Variants in PCSK5 observed in about 807,000 individuals in gnomAD.
PCSK5 encodes the protein proprotein convertase subtilisin/kexin type 5.
In PCSK5, 129 loss-of-function variants were observed where a neutral mutation model predicts 233.2. That is an observed-to-expected ratio of 0.55 (90% confidence interval 0.48 to 0.64). PCSK5 has a LOEUF of 0.64. PCSK5 is among the 30% of genes least tolerant of loss of function. The pLI is 0.00. For missense variants in PCSK5, 2,076 were observed against 2,430.1 expected, an observed-to-expected ratio of 0.85 and a Z score of 3.06; for synonymous variants, 825 against 879.2, an observed-to-expected ratio of 0.94 and a Z score of 1.09.
In PCSK5 at chr9:76,358,941, A is replaced by G; in HGVS notation, c.*19A>G. ...CCAGTAAACAGGCACTCCCCCACCA[A>G]CACCACCATTCCACTCTCAGGCATG... On this transcript the variant is annotated 3_prime_UTR_variant, in exon 38 of 38. Transcript: ENST00000674117. The G allele has an allele frequency of 6.2e-7, 1 of 1,603,612 alleles. No homozygotes were observed. The highest frequency in any genetic ancestry group is 1.7e-5 in the Admixed American group (1 of 59,818).
chr9:76,178,237 C>T (rs772168258), intron 14 of PCSK5, among the ~76,000 whole-genome samples: 1 of 152,064 alleles, frequency 6.6e-6, no homozygotes, highest in Non-Finnish European at 1.5e-5. Flanking sequence ...ATTTGGAGAT[C>T]GATTTGAAGC....
At chr9:76,245,818 C>T (rs934037787) in intron 24 of PCSK5, among the ~76,000 whole-genome samples, 2 of 151,998 alleles carry the variant, frequency 1.3e-5, no homozygotes, top group Non-Finnish European at 2.9e-5. Flanking sequence ...TTGGTTATTG[C>T]GTTAACTGTG....
At chr9:76,331,378 C>T (rs766886856) in intron 33 of PCSK5, among the ~76,000 whole-genome samples, 24 of 152,040 alleles carry the variant, frequency 1.6e-4, no homozygotes, top group Non-Finnish European at 2.5e-4. Context: ...AGAGAGATGC[C>T]GGGGGTGGGC....
At chr9:76,189,888 C>G in intron 20 of PCSK5, 142 bp downstream of exon 20, 1 of 568,110 alleles carries the variant, frequency 1.8e-6, no homozygotes, top group Non-Finnish European at 3.1e-6. Context: ...ATTCATTCAT[C>G]TTGAACTTAT....
chr9:76,059,603 A>G (rs1433060359), intron 5 of PCSK5, among the ~76,000 whole-genome samples: 1 of 152,140 alleles, frequency 6.6e-6, no homozygotes, highest in Non-Finnish European at 1.5e-5. Context: ...AGCACCATCT[A>G]TTAAATAGGG....
chr9:75,930,055 G>T (rs1035046471), intron 1 of PCSK5, among the ~76,000 whole-genome samples: 11 of 152,056 alleles, frequency 7.2e-5, no homozygotes, highest in African/African-American at 2.7e-4. Flanking sequence ...TAGAGACGGG[G>T]TTTCACCATG....
At chr9:76,353,960 A>T in intron 36 of PCSK5, 73 bp from the exon 37 acceptor site, 1 of 1,063,206 alleles carries the variant, frequency 9.4e-7, no homozygotes, top group Non-Finnish European at 1.4e-6. Flanking sequence ...ACAAGATGAG[A>T]TACAATCTGG....
At chr9:76,223,412 T>C (rs1825791678) in intron 20 of PCSK5, among the ~76,000 whole-genome samples, 1 of 152,240 alleles carries the variant, frequency 6.6e-6, no homozygotes, top group African/African-American at 2.4e-5. Context: ...CTGGAAGACT[T>C]TATAATGTTT....
At chr9:76,135,080 A>T (rs1822915104) in intron 10 of PCSK5, among the ~76,000 whole-genome samples, 4 of 152,082 alleles carry the variant, frequency 2.6e-5, no homozygotes, top group Non-Finnish European at 4.4e-5. Context: ...AGTGTTCCAT[A>T]GCACAGGGCA....
At chr9:75,908,941 G>GTCTA (rs58082978) in intron 1 of PCSK5, among the ~76,000 whole-genome samples, 14,506 of 115,818 alleles carry the variant, frequency 0.13, 925 homozygotes, top group Middle Eastern at 0.19. Context: ...CTCTCTCTCT[G>GTCTA]TCTATCTATC....
intron 6 of PCSK5, 82 bp from the exon 7 acceptor site, chr9:76,071,644 C>A: frequency 8.6e-7 from 1 of 1,156,140 alleles, no homozygotes; most frequent in Non-Finnish European, 1.2e-6. Context: ...GTATTCTTCC[C>A]CCCGAGAATC....
intron 3 of PCSK5, among the ~76,000 whole-genome samples, chr9:75,993,416 T>G (rs1265309723): frequency 6.6e-6 from 1 of 152,200 alleles, no homozygotes; most frequent in Non-Finnish European, 1.5e-5. Context: ...TTTCTTAAGA[T>G]CATCCTGTTT....
intron 15 of PCSK5, 109 bp from the exon 16 acceptor site, chr9:76,181,289 A>G: frequency 1.1e-6 from 1 of 872,784 alleles, no homozygotes; most frequent in Non-Finnish European, 1.7e-6. Flanking sequence ...ATCCTGGTTT[A>G]AAAGTGATTT....
At chr9:75,940,540 G>A (rs1824254027) in intron 2 of PCSK5, among the ~76,000 whole-genome samples, 1 of 152,244 alleles carries the variant, frequency 6.6e-6, no homozygotes, top group Non-Finnish European at 1.5e-5. Context: ...TCAGACCTGT[G>A]AAAGAAGAAA....
chr9:76,144,578 C>A (rs1262320641), intron 10 of PCSK5, among the ~76,000 whole-genome samples: 1 of 152,184 alleles, frequency 6.6e-6, no homozygotes, highest in Admixed American at 6.5e-5. Context: ...ATGTGCCCTG[C>A]AGTGGGATGA....
intron 8 of PCSK5, among the ~76,000 whole-genome samples, chr9:76,103,977 A>G (rs10869695): frequency 0.1 from 15,623 of 152,206 alleles, 1,097 homozygotes; most frequent in East Asian, 0.37. Flanking sequence ...TGTGTTCCCC[A>G]CCCTATGTAG....
At chr9:76,220,388 G>A (rs141075721) in intron 20 of PCSK5, among the ~76,000 whole-genome samples, 1,796 of 151,990 alleles carry the variant, frequency 0.012, 29 homozygotes, top group African/African-American at 0.04. Flanking sequence ...TCAGCTGGGC[G>A]TGGTGGTGGG....
chr9:76,104,570 A>AT (rs1266616256), intron 8 of PCSK5, among the ~76,000 whole-genome samples: 1 of 152,254 alleles, frequency 6.6e-6, no homozygotes, highest in Admixed American at 6.5e-5. Context: ...CCTTGTCACT[A>AT]TGCAGACGAA....
intron 1 of PCSK5, among the ~76,000 whole-genome samples, chr9:75,930,811 T>G (rs1319042183): frequency 6.6e-6 from 1 of 152,216 alleles, no homozygotes; most frequent in Non-Finnish European, 1.5e-5. Flanking sequence ...TTTAAGGTTT[T>G]CTTGTAAAGG....
Sources: gnomAD v4.1 joint callset for allele counts (sites outside exome capture counted in the v4.1 genomes callset) on GRCh38, gnomAD v4.1.1 for gene constraint, MANE v1.5 for transcripts, NCBI Gene and HGNC (gene_info 2026-07-23, HGNC 2026-07-21) for gene names.